Variants in NFATC2 observed in about 807,000 individuals in gnomAD.
The protein encoded by NFATC2 is nuclear factor of activated T-cells, cytoplasmic 2.
In NFATC2, 22 loss-of-function variants were observed where a neutral mutation model predicts 87.3. That is an observed-to-expected ratio of 0.25 (90% CI 0.18 to 0.36). The LOEUF (loss-of-function observed/expected upper bound fraction) is 0.36. NFATC2 is among the 10% of genes least tolerant of loss of function. The pLI is 1.00. For missense variants in NFATC2, 1,149 were observed against 1,259.1 expected (o/e 0.91, Z 1.32); for synonymous variants, 565 against 542.2 (o/e 1.04, Z -0.58).
intron 3 of NFATC2, among the ~76,000 whole-genome samples, chr20:51,497,846 A>G (rs570305541): frequency 6.6e-6 from 1 of 152,244 alleles, no homozygotes; most frequent in South Asian, 2.1e-4. Context: ...CCCTAAAAGC[A>G]TTAGTTCAAA....
chr20:51,393,778 G>C (rs1211072374), intron 10 of NFATC2, among the ~76,000 whole-genome samples: 1 of 152,214 alleles, frequency 6.6e-6, no homozygotes, highest in African/African-American at 2.4e-5. Context: ...GGAAGTGAGA[G>C]GAGGGGATCC....
rs567827845 is a variant in NFATC2 at position 51,387,609 on chromosome 20, T to C, written c.*3887A>G. ...ATGCTGCTTTTTCTTAAGCATTTAA[T>C]TGGAATGCAGGAAAATACTTGCTAT... On this transcript the variant is annotated 3_prime_UTR_variant, in exon 11 of 11. Coordinates refer to ENST00000371564, the MANE Select transcript of NFATC2 (RefSeq NM_012340.5). 2.0e-5 allele frequency: 3 copies of C among 152,332 alleles called. No homozygotes were observed. Among genetic ancestry groups the C allele is most frequent in the Admixed American group, 6.5e-5 (1 of 15,306 alleles). 9.4% of individuals were successfully genotyped at this position (152,332 alleles called of 1,614,324 possible).
chr20:51,402,758 G>A (rs763672064), intron 9 of NFATC2, among the ~76,000 whole-genome samples: 24 of 152,198 alleles, frequency 1.6e-4, no homozygotes, highest in Non-Finnish European at 2.1e-4. Context: ...TAGCAGGTGG[G>A]AGCAGTAAGA....
In NFATC2 at chr20:51,432,607, A is replaced by G; in HGVS notation, c.2182T>C (p.Cys728Arg). The change falls in exon 9 of 11, where the codon TGC (cysteine) becomes CGC (arginine). Residue 728 changes from cysteine (C) to arginine (R), a missense_variant. Physicochemically the swap from Cys to Arg is radical, Grantham distance 180. This residue lies in a region of NFATC2 where 581 missense variants were observed against 649.7 expected (regional missense o/e 0.89). Transcript: ENST00000371564. The surrounding 1 kb of genome is among the most constrained non-coding windows in gnomAD (Gnocchi z 4.6). ...GAGAGCCCCGTGCGGAACTGCTGGC[A>G]GGGAGCCATGGTGGCCACGAGGCAG... ...PSCLVATMAP[C>R]QQFRTGLSSP... The G allele has an allele frequency of 6.5e-7, 1 of 1,529,960 alleles. No individual in the cohort carries two copies. Among genetic ancestry groups the G allele is most frequent in the Non-Finnish European group, 8.8e-7 (1 of 1,139,508 alleles). The allele number at this position is 1,529,960 out of a possible 1,614,324, so 94.8% of individuals were successfully genotyped here.
chr20:51,428,860 G>A (rs559677202), intron 9 of NFATC2, among the ~76,000 whole-genome samples: 1 of 152,230 alleles, frequency 6.6e-6, no homozygotes, highest in Admixed American at 6.5e-5. Flanking sequence ...ATAAATGACA[G>A]ACCAGAAATG....
intron 1 of NFATC2, among the ~76,000 whole-genome samples, chr20:51,536,002 A>T (rs2076713715): frequency 6.6e-6 from 1 of 152,212 alleles, no homozygotes; most frequent in Non-Finnish European, 1.5e-5. Context: ...AGAGGGAAAA[A>T]GCATTAAAGA....
chr20:51,543,201 A>C (rs2076853927), upstream of NFATC2, among the ~76,000 whole-genome samples: 1 of 152,074 alleles, frequency 6.6e-6, no homozygotes, highest in Admixed American at 6.5e-5. Context: ...AGCGCCTAGG[A>C]AGGAATCGGA....
chr20:51,411,827 C>G (rs1979307079), intron 9 of NFATC2, among the ~76,000 whole-genome samples: 1 of 152,076 alleles, frequency 6.6e-6, no homozygotes, highest in African/African-American at 2.4e-5. Context: ...CGCGCCTGGC[C>G]TGAAGCAATG....
At chr20:51,522,952 G>C (rs905155338) in intron 2 of NFATC2, 129 bp downstream of exon 2, 24 of 1,316,896 alleles carry the variant, frequency 1.8e-5, no homozygotes, top group Middle Eastern at 3.9e-4. Context: ...CAACCAGCAA[G>C]GGGCCAAGCC....
chr20:51,459,425 A>C (rs529111837), intron 5 of NFATC2, among the ~76,000 whole-genome samples: 1 of 152,216 alleles, frequency 6.6e-6, no homozygotes, highest in East Asian at 1.9e-4. Context: ...CTAATACGTG[A>C]GGCGTTTCTT....
At chr20:51,444,880 AG>A (rs1282951683) in intron 6 of NFATC2, among the ~76,000 whole-genome samples, 1 of 151,998 alleles carries the variant, frequency 6.6e-6, no homozygotes, top group Non-Finnish European at 1.5e-5. Flanking sequence ...GCCGCCCGAC[AG>A]GGTAACACTG....
chr20:51,502,839 T>C (rs982019109), intron 3 of NFATC2, among the ~76,000 whole-genome samples: 6 of 152,196 alleles, frequency 3.9e-5, no homozygotes, highest in Admixed American at 6.5e-5. Flanking sequence ...AATAGGAACA[T>C]GGGATTCACT....
At chr20:51,559,606 A>T (rs374524372) in intron 1 of NFATC2, among the ~76,000 whole-genome samples, 1 of 152,234 alleles carries the variant, frequency 6.6e-6, no homozygotes, top group Non-Finnish European at 1.5e-5. Flanking sequence ...TGATTGCAGT[A>T]CTTATCATCT....
At position 51,511,597 on chromosome 20, in the gene NFATC2, G is replaced by A. The variant is rs1028934310; in HGVS notation, c.1332+5187C>T. Among the ~76,000 whole-genome samples, 10 of 152,132 alleles carry A rather than the reference G, an allele frequency of 6.6e-5. No individual in the cohort carries two copies. The East Asian group carries it at 9.6e-4, about 15-fold the overall frequency. On this transcript the variant is annotated intron_variant, in intron 3 of 10. Transcript: ENST00000371564. ...CACTTTCTTTCCCAAGTCCTTCTCC[G>A]CCATCCATCCAACCGAACCATCCAC...
intron 9 of NFATC2, among the ~76,000 whole-genome samples, chr20:51,424,683 C>T (rs1981491615): frequency 6.6e-6 from 1 of 152,066 alleles, no homozygotes; most frequent in South Asian, 2.1e-4. Flanking sequence ...AGAATGGGTC[C>T]CCATTGACCA....
At chr20:51,486,198 G>A (rs1363379282) in intron 3 of NFATC2, among the ~76,000 whole-genome samples, 3 of 151,802 alleles carry the variant, frequency 2.0e-5, no homozygotes, top group African/African-American at 4.8e-5. Flanking sequence ...GTGACAGAGC[G>A]AGACACTGCC....
chr20:51,534,349 T>C (rs988057091), intron 1 of NFATC2, among the ~76,000 whole-genome samples: 3 of 152,208 alleles, frequency 2.0e-5, no homozygotes, highest in Admixed American at 6.5e-5. Flanking sequence ...TTTGTTTGTT[T>C]TTGAGACAGA....
rs772408251 is a variant in NFATC2, at chr20:51,474,140, C to T, written c.1548G>A (p.Ala516=). 18 of 1,614,040 alleles carry T rather than the reference C, an allele frequency of 1.1e-5. No homozygotes were observed. Among genetic ancestry groups the T allele is most frequent in the African/African-American group, 2.7e-5 (2 of 74,918 alleles). Reference sequence around the variant, plus strand: ...CGGCGTTTCTAAGCTTCAAGATCCCCGCACAGTCGATGCTGCCAGGATGTT... The same window carrying T: ...CGGCGTTTCTAAGCTTCAAGATCCCTGCACAGTCGATGCTGCCAGGATGTT... ...KNNMRATIDC[A]GILKLRNADI... The change falls in exon 5 of 11, where the codon GCG becomes GCA. Residue 516 remains alanine (A), a synonymous_variant. Transcript: ENST00000371564.
chr20:51,459,874 A>G (rs1388613420), intron 5 of NFATC2, among the ~76,000 whole-genome samples: 2 of 152,180 alleles, frequency 1.3e-5, no homozygotes, highest in Non-Finnish European at 2.9e-5. Context: ...GCAAGACTTC[A>G]TCTCAAAAAA....
Sources: allele counts gnomAD v4.1 joint callset (sites outside exome capture counted in the v4.1 genomes callset), GRCh38; gene constraint gnomAD v4.1.1; regional missense constraint gnomAD v4.1.1; non-coding constraint Gnocchi (gnomAD v3.1); transcripts MANE v1.5; gene names NCBI Gene and HGNC (gene_info 2026-07-23, HGNC 2026-07-21).